CNTN2: variants seen among roughly 807,000 people sequenced by gnomAD.
The protein encoded by CNTN2 is contactin 2.
Under a neutral mutation model 117.5 loss-of-function variants are expected in CNTN2, and 53 were observed. The observed-to-expected ratio is 0.45, with a 90% confidence interval of 0.36 to 0.57. The LOEUF (loss-of-function observed/expected upper bound fraction) is 0.57. CNTN2 is among the 20% of genes least tolerant of loss of function. CNTN2 has a pLI of 0.00. For synonymous variants in CNTN2, 530 were observed against 561.7 expected (o/e 0.94, Z 0.80); for missense variants, 1,106 against 1,404.3 (o/e 0.79, Z 3.39).
Position 205,072,079 on chromosome 1 carries a change from C to A in CNTN2, c.2677C>A (p.Arg893=). The change falls in exon 20 of 23, where the codon CGG becomes AGG. Residue 893 remains arginine, a synonymous_variant. Coordinates refer to ENST00000331830, the MANE Select transcript of CNTN2 (RefSeq NM_005076.5). ...KYHVTVRAYN[R]AGTGPASPSA... ...CCATGTGACCGTGAGGGCCTACAAC[C>A]GGGCTGGCACTGGGCCTGCCAGCCC... 6.2e-7 allele frequency: 1 copy of A among 1,613,926 alleles called. No individual in the cohort carries two copies. Among genetic ancestry groups the A allele is most frequent in the Non-Finnish European group, 8.5e-7 (1 of 1,180,004 alleles).
chr1:205,059,285 C>A lies in CNTN2; in HGVS notation c.689C>A (p.Ala230Asp), dbSNP rs138454536. 3.1e-6 allele frequency: 5 copies of A among 1,613,658 alleles called. No homozygotes were observed. Among genetic ancestry groups the A allele is most frequent in the Non-Finnish European group, 3.4e-6 (4 of 1,179,830 alleles). The change falls in exon 6 of 23, where the codon GCT becomes GAT. Residue 230 changes from alanine (A) to aspartate (D), a missense_variant. Coordinates refer to ENST00000331830, the MANE Select transcript of CNTN2 (RefSeq NM_005076.5). This position sits in a 1 kb window ranked among gnomAD's most constrained non-coding sequence, Gnocchi z 5.6. ...AGCAAGTTTGCTCAGCTCAACCTGG[C>A]TGCTGAAGGTCAGGCTTGGCCAGGC... is the stretch of plus-strand genomic sequence containing the variant. ...VFSKFAQLNL[A>D]AEDTRLFAPS...
intron 1 of CNTN2, among the ~76,000 whole-genome samples, chr1:205,049,845 A>G (rs1178670046): frequency 6.6e-6 from 1 of 152,220 alleles, no homozygotes; most frequent in Non-Finnish European, 1.5e-5. Flanking sequence ...AGTCCTGCAT[A>G]TAAAGCAGAT....
chr1:205,072,213 T>G (rs1298129812), intron 20 of CNTN2, 80 bp downstream of exon 20: 8 of 1,371,008 alleles, frequency 5.8e-6, no homozygotes, highest in Non-Finnish European at 8.0e-6. Context: ...TCCCCAATGA[T>G]AAGACAAATG....
Position 205,065,020 on chromosome 1 carries a change from GC to G in CNTN2, c.1520-64del. 2 of 1,546,158 alleles carry G rather than the reference GC, an allele frequency of 1.3e-6. No homozygotes were observed. The highest frequency in any genetic ancestry group is 1.8e-6 in the Non-Finnish European group (2 of 1,130,852). On this transcript the variant is annotated intron_variant, in intron 12 of 22. Coordinates refer to ENST00000331830, the MANE Select transcript of CNTN2 (RefSeq NM_005076.5). The surrounding 1 kb of genome is among the most constrained non-coding windows in gnomAD (Gnocchi z 4.1). ...GCCTTAGGACAGAGCCTCTCAGCCT[GC>G]CCTGCGGACCCGGCCTGGGCCCATT...
intron 1 of CNTN2, among the ~76,000 whole-genome samples, chr1:205,051,585 G>A (rs1390024911): frequency 9.9e-5 from 15 of 152,122 alleles, no homozygotes; most frequent in African/African-American, 2.4e-5. Context: ...GGCTGCAGTC[G>A]GGGTGGAGGA....
chr1:205,076,237 G>A lies in CNTN2; in HGVS notation c.*2472G>A, dbSNP rs376979719. 4 of 152,186 alleles carry A rather than the reference G, an allele frequency of 2.6e-5. No individual in the cohort carries two copies. The highest frequency in any genetic ancestry group is 4.8e-5 in the African/African-American group (2 of 41,552). The allele number at this position is 152,186 out of a possible 1,614,324, so 9.4% of individuals were successfully genotyped here. On this transcript the variant is annotated 3_prime_UTR_variant, in exon 23 of 23. Coordinates refer to ENST00000331830, the MANE Select transcript of CNTN2 (RefSeq NM_005076.5). ...GCAGAATTTGTTTGAGGGATAGAAC[G>A]ACAACAAAATAAATGTTCCTGCAGC...
At chr1:205,063,832 T>C (rs1322083287) in intron 10 of CNTN2, among the ~76,000 whole-genome samples, 1 of 151,382 alleles carries the variant, frequency 6.6e-6, no homozygotes, top group Non-Finnish European at 1.5e-5. Flanking sequence ...CTGGGGAATT[T>C]CCAGGCAAGA....
intron 16 of CNTN2, 45 bp from the exon 17 acceptor site, chr1:205,069,446 C>G (rs781336156): frequency 1.3e-6 from 2 of 1,596,298 alleles, no homozygotes; most frequent in Admixed American, 3.4e-5. Flanking sequence ...TCATTTTTTC[C>G]TTGCTCATTA....
At position 205,061,242 on chromosome 1, in the gene CNTN2, C is replaced by T; in HGVS notation, c.798-3C>T. On this transcript the variant is annotated splice_region_variant and splice_polypyrimidine_tract_variant and intron_variant, in intron 7 of 22. Transcript: ENST00000331830. This position sits in a 1 kb window ranked among gnomAD's most constrained non-coding sequence, Gnocchi z 4.8. ...CACCCTCTGGCTTTGTCTCTCCTGC[C>T]AGCCCTGTCCCCCGGATCAAGTGGC... 3.1e-6 allele frequency: 5 copies of T among 1,603,924 alleles called. No homozygotes were observed. Among genetic ancestry groups the T allele is most frequent in the Non-Finnish European group, 4.3e-6 (5 of 1,172,922 alleles).
chr1:205,050,886 G>A (rs1382952336), intron 1 of CNTN2, among the ~76,000 whole-genome samples: 3 of 152,190 alleles, frequency 2.0e-5, no homozygotes, highest in East Asian at 1.9e-4. Flanking sequence ...CCCAAACTGC[G>A]GGGATTACAG....
In CNTN2 at chr1:205,050,445, T is replaced by C. The variant is rs546211794; in HGVS notation, c.-86-2655T>C. On this transcript the variant is annotated intron_variant, in intron 1 of 22. Coordinates refer to ENST00000331830, the MANE Select transcript of CNTN2 (RefSeq NM_005076.5). ...GACTTAAAATTTTTCAAATTTACGA[T>C]GGTGCAAAAGCAATACACATTCAAT... Among the ~76,000 whole-genome samples, 6 of 152,354 alleles carry C rather than the reference T, an allele frequency of 3.9e-5. No homozygotes were observed. In the South Asian group the frequency reaches 6.2e-4, roughly 16 times the overall value.
chr1:205,069,538 G>A lies in CNTN2; in HGVS notation c.2173G>A (p.Gly725Arg), dbSNP rs748302990. 4 of 1,613,840 alleles carry A rather than the reference G, an allele frequency of 2.5e-6. No individual in the cohort carries two copies. Among genetic ancestry groups the A allele is most frequent in the Admixed American group, 1.7e-5 (1 of 60,028 alleles). ...SGLSGGGGAP[G>R]ELIVNWTPMS... is the part of the protein sequence containing the mutation. ...ACTCAGCGGAGGAGGTGGAGCCCCC[G>A]GAGAGCTCATCGTCAACTGGACGGT... The change falls in exon 17 of 23, where the codon GGA becomes AGA. Residue 725 changes from glycine (G) to arginine (R), a missense_variant. Gly to Arg is a moderately radical substitution (Grantham distance 125, BLOSUM62 -2). Coordinates refer to ENST00000331830, the MANE Select transcript of CNTN2 (RefSeq NM_005076.5).
Position 205,073,552 on chromosome 1 carries a change from T to C in CNTN2, c.3014-104T>C. 1 of 1,043,358 alleles carries C rather than the reference T, an allele frequency of 9.6e-7. No homozygotes were observed. Among genetic ancestry groups the C allele is most frequent in the Non-Finnish European group, 1.4e-6 (1 of 701,002 alleles). The allele number at this position is 1,043,358 out of a possible 1,614,324, so 64.6% of individuals were successfully genotyped here. A position where few individuals can be genotyped will look rare whatever the true frequency, so the allele number is the denominator to read the frequency against. ...CCACCCAGCCGTCCGCTCCCAGGCCTGCAGCTGGCCCTGTGAGTCTCCTTA... is the reference window on the plus strand; with the variant it reads ...CCACCCAGCCGTCCGCTCCCAGGCCCGCAGCTGGCCCTGTGAGTCTCCTTA... On this transcript the variant is annotated intron_variant, in intron 22 of 22. Transcript: ENST00000331830. The surrounding 1 kb of genome is among the most constrained non-coding windows in gnomAD (Gnocchi z 6.3).
At chr1:205,069,449 G>C in intron 16 of CNTN2, 42 bp from the exon 17 acceptor site, 1 of 1,598,454 alleles carries the variant, frequency 6.3e-7, no homozygotes, top group Non-Finnish European at 8.6e-7. Context: ...TTTTTTCCTT[G>C]CTCATTAACA....
At position 205,073,926 on chromosome 1, in the gene CNTN2, T is replaced by C; in HGVS notation, c.*161T>C. ...TTTTTGTAGGAGGTAGGATATTTTA[T>C]ATTCTGCCGCAGGATAGAACCCACG... On this transcript the variant is annotated 3_prime_UTR_variant, in exon 23 of 23. Coordinates refer to ENST00000331830, the MANE Select transcript of CNTN2 (RefSeq NM_005076.5). This position sits in a 1 kb window ranked among gnomAD's most constrained non-coding sequence, Gnocchi z 6.3. The C allele has an allele frequency of 3.2e-6, 2 of 627,836 alleles. No individual in the cohort carries two copies. 38.9% of individuals were successfully genotyped at this position (627,836 alleles called of 1,614,324 possible). A position where few individuals can be genotyped will look rare whatever the true frequency, so the allele number is the denominator to read the frequency against.
intron 18 of CNTN2, 39 bp from the exon 19 acceptor site, chr1:205,070,387 G>A (rs1333418675): frequency 1.4e-6 from 2 of 1,424,312 alleles, no homozygotes; most frequent in South Asian, 2.4e-5. Context: ...GACACAGGGG[G>A]GCCCTGGGAA....
rs1574658676 is a variant in CNTN2, at chr1:205,069,535, C to T, written c.2170C>T (p.Pro724Ser). ...AGGACTCAGCGGAGGAGGTGGAGCC[C>T]CCGGAGAGCTCATCGTCAACTGGAC... ...PSGLSGGGGA[P>S]GELIVNWTPM... Residue 724 changes from proline to serine, a missense_variant, in exon 17 of 23, where the codon CCC (proline) becomes TCC (serine). Transcript: ENST00000331830. 1 of 1,613,918 alleles carries T rather than the reference C, an allele frequency of 6.2e-7. No individual in the cohort carries two copies. Among genetic ancestry groups the T allele is most frequent in the Non-Finnish European group, 8.5e-7 (1 of 1,180,022 alleles).
Position 205,072,510 on chromosome 1 carries a change from C to T in CNTN2, c.2759C>T (p.Ser920Phe). Residue 920 changes from serine (S) to phenylalanine (F), a missense_variant, in exon 21 of 23, where the codon TCC becomes TTC. Coordinates refer to ENST00000331830, the MANE Select transcript of CNTN2 (RefSeq NM_005076.5). ...PPPRRPPGNI[S>F]WTFSSSSLSI... ...CCGCGGCGACCTCCTGGCAACATCT[C>T]CTGGACTTTCTCAAGCTCTAGTCTT... 1 of 1,614,192 alleles carries T rather than the reference C, an allele frequency of 6.2e-7. No individual in the cohort carries two copies. The highest frequency in any genetic ancestry group is 1.1e-5 in the South Asian group (1 of 91,084).
intron 2 of CNTN2, 141 bp downstream of exon 2, chr1:205,053,396 A>T (rs928159408): frequency 3.4e-6 from 2 of 595,614 alleles, no homozygotes; most frequent in African/African-American, 3.8e-5. Flanking sequence ...TTTCCTTGCT[A>T]AAATTTCCCA....
Sources: gnomAD v4.1 joint callset for allele counts (sites outside exome capture counted in the v4.1 genomes callset) on GRCh38, gnomAD v4.1.1 for gene constraint, Gnocchi (gnomAD v3.1) non-coding constraint, MANE v1.5 for transcripts, NCBI Gene and HGNC (gene_info 2026-07-23, HGNC 2026-07-21) for gene names.